PLA2G5: variants seen among roughly 807,000 people sequenced by gnomAD.
PLA2G5 encodes the protein Ca2+-dependent phospholipase A2.
In PLA2G5, 12 loss-of-function variants were observed where a neutral mutation model predicts 15.9. That is an observed-to-expected ratio of 0.76 (90% CI 0.48 to 1.23). PLA2G5 has a LOEUF of 1.23. PLA2G5 is among the 50% of genes most tolerant of loss of function. The probability of loss-of-function intolerance (pLI) is 0.00; values close to 1 mark genes in which losing one functional copy is unlikely to be tolerated. For missense variants in PLA2G5, 169 were observed against 177.1 expected (o/e 0.95, Z 0.26); for synonymous variants, 71 against 71.4 (o/e 0.99, Z 0.03).
rs563882978 is a variant in PLA2G5 at position 20,064,447 on chromosome 1, T to C, written n.338-4426T>C. On this transcript the variant is annotated intron_variant and non_coding_transcript_variant, in intron 2 of 6. Transcript: ENST00000460175. ...AAAATTAGCTGGGCATGGTGGTGCATACCTGTAGTCCCAGCTACATGGGAG... is the reference window on the plus strand; with the variant it reads ...AAAATTAGCTGGGCATGGTGGTGCACACCTGTAGTCCCAGCTACATGGGAG... Among the ~76,000 whole-genome samples the C allele has an allele frequency of 5.9e-5, 9 of 152,080 alleles. 1 individual carries two copies. Among genetic ancestry groups the C allele is most frequent in the Admixed American group, 1.3e-4 (2 of 15,278 alleles).
At chr1:20,055,202 C>A (rs2014376020) in intron 1 of PLA2G5, among the ~76,000 whole-genome samples, 2 of 152,102 alleles carry the variant, frequency 1.3e-5, no homozygotes. Context: ...GATGAAACCC[C>A]CACACAGTCA....
chr1:20,081,457 G>T (rs2016020957), intron 1 of PLA2G5, among the ~76,000 whole-genome samples: 1 of 151,940 alleles, frequency 6.6e-6, no homozygotes, highest in Admixed American at 6.5e-5. Flanking sequence ...CTTCCACCCA[G>T]GGCCACGCAG....
intron 1 of PLA2G5, among the ~76,000 whole-genome samples, chr1:20,029,341 C>G (rs1033179211): frequency 7.2e-5 from 11 of 152,256 alleles, no homozygotes; most frequent in South Asian, 6.2e-4. Flanking sequence ...GTGTGTTCCT[C>G]CCCTGATACG....
In PLA2G5 at chr1:20,090,961, G is replaced by A; in HGVS notation, c.*269G>A. 5.5e-6 allele frequency: 2 copies of A among 364,040 alleles called. No individual in the cohort carries two copies. The highest frequency in any genetic ancestry group is 4.8e-5 in the East Asian group (1 of 20,984). 22.6% of individuals were successfully genotyped at this position (364,040 alleles called of 1,614,324 possible). ...GTGCCAAGAGCTCTCCTCCAACTCAGGGTTGGCTGTGTCTCTTTTCTTCTC... is the reference window on the plus strand; with the variant it reads ...GTGCCAAGAGCTCTCCTCCAACTCAAGGTTGGCTGTGTCTCTTTTCTTCTC... On this transcript the variant is annotated 3_prime_UTR_variant, in exon 5 of 5. Coordinates refer to ENST00000375108, the MANE Select transcript of PLA2G5 (RefSeq NM_000929.3).
At chr1:20,044,522 C>T (rs961439255) in intron 1 of PLA2G5, among the ~76,000 whole-genome samples, 3 of 152,138 alleles carry the variant, frequency 2.0e-5, no homozygotes, top group Non-Finnish European at 4.4e-5. Context: ...CCAAACAAGC[C>T]ATGGACTGGG....
At chr1:20,047,505 A>G (rs1193170704) in intron 1 of PLA2G5, among the ~76,000 whole-genome samples, 2 of 152,190 alleles carry the variant, frequency 1.3e-5, no homozygotes, top group Non-Finnish European at 2.9e-5. Context: ...GCACATTTAC[A>G]TTGAGAAAAA....
chr1:20,069,889 T>TAGATAC (rs2015257419), upstream of PLA2G5, among the ~76,000 whole-genome samples: 1 of 152,068 alleles, frequency 6.6e-6, no homozygotes, highest in African/African-American at 2.4e-5. Flanking sequence ...TACTGTATAC[T>TAGATAC]AGATACAGTA....
intron 1 of PLA2G5, among the ~76,000 whole-genome samples, chr1:20,038,807 A>G (rs2013425291): frequency 6.6e-6 from 1 of 152,164 alleles, no homozygotes; most frequent in East Asian, 1.9e-4. Flanking sequence ...AAGTAATAAT[A>G]GTGGGCAACT....
intron 1 of PLA2G5, among the ~76,000 whole-genome samples, chr1:20,039,704 G>C (rs1173971045): frequency 6.6e-6 from 1 of 152,100 alleles, no homozygotes; most frequent in East Asian, 1.9e-4. Flanking sequence ...CATTTTTTGT[G>C]TGCCATGTCT....
chr1:20,035,743 G>A (rs966174617), intron 1 of PLA2G5, among the ~76,000 whole-genome samples: 4 of 152,116 alleles, frequency 2.6e-5, no homozygotes, highest in Non-Finnish European at 5.9e-5. Flanking sequence ...GAAATGTGAG[G>A]TATTATTCAG....
chr1:20,067,176 G>A (rs1311421771), upstream of PLA2G5, among the ~76,000 whole-genome samples: 2 of 152,072 alleles, frequency 1.3e-5, no homozygotes, highest in African/African-American at 4.8e-5. Context: ...TGAATTTTGG[G>A]TAGAGATGGA....
At chr1:20,053,723 G>A (rs536828059) in intron 1 of PLA2G5, among the ~76,000 whole-genome samples, 3 of 152,186 alleles carry the variant, frequency 2.0e-5, no homozygotes, top group African/African-American at 7.2e-5. Flanking sequence ...TCCTCCTGCA[G>A]ATTTAGTTAT....
At chr1:20,046,074 A>AGC in intron 1 of PLA2G5, 1 of 152,240 alleles carries the variant, frequency 6.6e-6, no homozygotes, top group Non-Finnish European at 1.5e-5. Flanking sequence ...AGCAGGCAGG[A>AGC]TGAGTTTGAG....
At chr1:20,057,025 T>C (rs1251493200) in intron 1 of PLA2G5, among the ~76,000 whole-genome samples, 2 of 152,180 alleles carry the variant, frequency 1.3e-5, no homozygotes, top group Non-Finnish European at 2.9e-5. Flanking sequence ...ATATTACTTT[T>C]ATTCCTTTAA....
At position 20,030,749 on chromosome 1, in the gene PLA2G5, C is replaced by T. The variant is rs564233151; in HGVS notation, n.276+2040C>T. Among the ~76,000 whole-genome samples the T allele has an allele frequency of 9.2e-5, 14 of 152,166 alleles. No individual in the cohort carries two copies. In the East Asian group the frequency reaches 1.4e-3, roughly 15 times the overall value. On this transcript the variant is annotated intron_variant and non_coding_transcript_variant, in intron 1 of 6. Transcript: ENST00000460175. ...GCAGTGCACTGTGTCCCTGGGTACT[C>T]GAAACTAGAGAATGGTGATGACTTT...
At chr1:20,043,809 G>T (rs1437564617) in intron 1 of PLA2G5, among the ~76,000 whole-genome samples, 1 of 152,176 alleles carries the variant, frequency 6.6e-6, no homozygotes, top group Non-Finnish European at 1.5e-5. Flanking sequence ...ACAGCCCCTT[G>T]AAAAGAAGGT....
At chr1:20,055,524 T>C (rs1273406455) in intron 1 of PLA2G5, among the ~76,000 whole-genome samples, 1 of 152,164 alleles carries the variant, frequency 6.6e-6, no homozygotes, top group African/African-American at 2.4e-5. Context: ...CACCACCTGA[T>C]GTTTGGCTGC....
At chr1:20,029,392 CTGA>C (rs1444852936) in intron 1 of PLA2G5, among the ~76,000 whole-genome samples, 1 of 152,020 alleles carries the variant, frequency 6.6e-6, no homozygotes, top group Non-Finnish European at 1.5e-5. Context: ...TGTTCCTCCG[CTGA>C]TATGTTCCTC....
intron 1 of PLA2G5, among the ~76,000 whole-genome samples, chr1:20,072,414 G>A (rs1197256254): frequency 1.3e-5 from 2 of 152,148 alleles, no homozygotes; most frequent in Non-Finnish European, 2.9e-5. Context: ...AGTACGTTAA[G>A]TTTACAAAGA....
Sources: allele counts gnomAD v4.1 joint callset (sites outside exome capture counted in the v4.1 genomes callset), GRCh38; gene constraint gnomAD v4.1.1; transcripts MANE v1.5; gene names NCBI Gene and HGNC (gene_info 2026-07-23, HGNC 2026-07-21).